SLC35F4: variants seen among roughly 807,000 people sequenced by gnomAD.
SLC35F4 encodes the protein chromosome 14 open reading frame 36.
Under a neutral mutation model 44.2 loss-of-function variants are expected in SLC35F4, and 24 were observed. The ratio of observed to expected loss-of-function variants is 0.54; its 90% CI spans 0.39 to 0.76. The LOEUF is 0.76. Among genes scored for constraint, SLC35F4 ranks in the 30% least tolerant of loss-of-function variants. The pLI, the probability that SLC35F4 is intolerant of heterozygous loss-of-function variation, is 0.00. For missense variants in SLC35F4, 562 were observed against 586.1 expected (o/e 0.96, Z 0.42); for synonymous variants, 238 against 223.6 (o/e 1.06, Z -0.57).
At chr14:57,753,169 T>C (rs1241572162) in intron 1 of SLC35F4, among the ~76,000 whole-genome samples, 2 of 152,150 alleles carry the variant, frequency 1.3e-5, no homozygotes, top group Non-Finnish European at 2.9e-5. Flanking sequence ...GGTGTTCTGG[T>C]AGTCTTTGAT....
intron 1 of SLC35F4, among the ~76,000 whole-genome samples, chr14:57,760,678 T>C (rs1257169054): frequency 1.3e-5 from 2 of 152,196 alleles, no homozygotes; most frequent in Non-Finnish European, 2.9e-5. Context: ...AGAATAGCAT[T>C]TAGTGAAGCA....
chr14:57,858,199 T>G (rs1887312825), intron 1 of SLC35F4, among the ~76,000 whole-genome samples: 1 of 152,018 alleles, frequency 6.6e-6, no homozygotes, highest in Non-Finnish European at 1.5e-5. Flanking sequence ...CAAAGGATTA[T>G]AAATCATGCT....
chr14:57,794,983 T>C (rs751138113), intron 1 of SLC35F4, among the ~76,000 whole-genome samples: 7 of 152,160 alleles, frequency 4.6e-5, no homozygotes, highest in Non-Finnish European at 1.0e-4. Flanking sequence ...CAATTATTAC[T>C]TATATAGCTG....
chr14:57,717,748 T>C (rs1376821284), intron 1 of SLC35F4, among the ~76,000 whole-genome samples: 1 of 152,234 alleles, frequency 6.6e-6, no homozygotes, highest in Non-Finnish European at 1.5e-5. Flanking sequence ...TAGGTGTATA[T>C]ATATTTATGG....
intron 1 of SLC35F4, among the ~76,000 whole-genome samples, chr14:57,753,095 G>A (rs2076922398): frequency 6.6e-6 from 1 of 152,148 alleles, no homozygotes; most frequent in South Asian, 2.1e-4. Context: ...TGCTTTCAAG[G>A]CACAGCCACA....
intron 1 of SLC35F4, among the ~76,000 whole-genome samples, chr14:57,736,954 T>TC (rs1236332479): frequency 6.6e-6 from 1 of 152,058 alleles, no homozygotes; most frequent in Non-Finnish European, 1.5e-5. Flanking sequence ...CACTGTTTTT[T>TC]TTCTATAAAT....
At chr14:57,866,658 A>G (rs1888169250), upstream of SLC35F4, among the ~76,000 whole-genome samples, 1 of 152,212 alleles carries the variant, frequency 6.6e-6, no homozygotes, top group Non-Finnish European at 1.5e-5. Context: ...ATTCAGCTGC[A>G]CACAGCACGT....
chr14:57,895,178 A>G (rs1888846230), intron 1 of SLC35F4, among the ~76,000 whole-genome samples: 1 of 152,104 alleles, frequency 6.6e-6, no homozygotes, highest in Non-Finnish European at 1.5e-5. Context: ...TCAGAGCATA[A>G]ACTCACTTCT....
intron 1 of SLC35F4, among the ~76,000 whole-genome samples, chr14:57,724,725 G>T (rs1188125691): frequency 6.6e-6 from 1 of 152,196 alleles, no homozygotes; most frequent in Non-Finnish European, 1.5e-5. Flanking sequence ...GAAGACTAGG[G>T]CTTGGTTCAC....
At chr14:57,586,376 G>C (rs1225967564) in intron 3 of SLC35F4, among the ~76,000 whole-genome samples, 1 of 151,956 alleles carries the variant, frequency 6.6e-6, no homozygotes, top group Non-Finnish European at 1.5e-5. Context: ...ATAAAAACTC[G>C]AGAAGAAAAC....
intron 1 of SLC35F4, among the ~76,000 whole-genome samples, chr14:57,778,743 A>T (rs1399981823): frequency 8.3e-6 from 1 of 120,054 alleles, no homozygotes; most frequent in African/African-American, 3.1e-5. Flanking sequence ...TCAGCAAATT[A>T]AAAAAAAAAC....
intron 1 of SLC35F4, among the ~76,000 whole-genome samples, chr14:57,929,447 A>G (rs910624257): frequency 5.9e-5 from 9 of 152,072 alleles, no homozygotes; most frequent in Admixed American, 5.9e-4. Flanking sequence ...AGAGCGGGAG[A>G]GAACTTGACA....
At chr14:57,881,258 C>G (rs1888528629) in intron 1 of SLC35F4, among the ~76,000 whole-genome samples, 1 of 152,192 alleles carries the variant, frequency 6.6e-6, no homozygotes, top group African/African-American at 2.4e-5. Flanking sequence ...TTGCACACCT[C>G]TGAACTTATC....
intron 1 of SLC35F4, among the ~76,000 whole-genome samples, chr14:57,800,241 C>T (rs970193237): frequency 2.1e-5 from 3 of 146,110 alleles, no homozygotes; most frequent in South Asian, 2.2e-4. Context: ...GGGTCTGGAG[C>T]GGATCCCCAG....
chr14:57,604,241 C>G (rs1051231127), intron 1 of SLC35F4: 4 of 152,166 alleles, frequency 2.6e-5, no homozygotes, highest in Non-Finnish European at 4.4e-5. Flanking sequence ...AGTGAAAAGG[C>G]TAGTCTTGAT....
chr14:57,854,400 G>C (rs1037857146), intron 1 of SLC35F4, among the ~76,000 whole-genome samples: 20 of 151,896 alleles, frequency 1.3e-4, no homozygotes, highest in Non-Finnish European at 2.9e-4. Context: ...TTTAAAAAAA[G>C]AACATAAAAT....
intron 1 of SLC35F4, among the ~76,000 whole-genome samples, chr14:57,789,505 T>C (rs2208419): frequency 0.29 from 43,598 of 151,966 alleles, 6,884 homozygotes; most frequent in Admixed American, 0.4. Flanking sequence ...CAGTAATTAA[T>C]AGCCTACCAA....
intron 1 of SLC35F4, among the ~76,000 whole-genome samples, chr14:57,650,615 T>A (rs994684462): frequency 6.6e-6 from 1 of 152,174 alleles, no homozygotes; most frequent in African/African-American, 2.4e-5. Flanking sequence ...TCTTTTCACC[T>A]ATACTTCACA....
chr14:57,613,949 C>T (rs111697629), intron 1 of SLC35F4, among the ~76,000 whole-genome samples: 146 of 152,202 alleles, frequency 9.6e-4, no homozygotes, highest in African/African-American at 3.0e-3. Context: ...ACATTATAAC[C>T]CCTGGACTGG....
Sources: allele counts gnomAD v4.1 joint callset (sites outside exome capture counted in the v4.1 genomes callset), GRCh38; gene constraint gnomAD v4.1.1; transcripts MANE v1.5; gene names NCBI Gene and HGNC (gene_info 2026-07-23, HGNC 2026-07-21).